Variants in PPP2R5C observed in about 807,000 individuals in gnomAD.
PPP2R5C encodes the protein protein phosphatase 2 regulatory subunit B'gamma, also known as serine/threonine-protein phosphatase 2A 56 kDa regulatory subunit gamma isoform.
PPP2R5C carries 7 observed loss-of-function variants against 68.9 expected under a neutral mutation model. The ratio of observed to expected loss-of-function variants is 0.10; its 90% CI spans 0.06 to 0.19. The LOEUF (loss-of-function observed/expected upper bound fraction) is 0.19, where lower values mean the gene tolerates loss of function less well. PPP2R5C is among the 10% of genes least tolerant of loss of function. The probability of loss-of-function intolerance (pLI) is 1.00; values close to 1 mark genes in which losing one functional copy is unlikely to be tolerated. For missense variants in PPP2R5C, 348 were observed against 641.3 expected (o/e 0.54, Z 4.94); for synonymous variants, 210 against 222.2 (o/e 0.95, Z 0.49).
At chr14:101,881,071 AG>A (rs2044143877) in intron 2 of PPP2R5C, among the ~76,000 whole-genome samples, 1 of 152,144 alleles carries the variant, frequency 6.6e-6, no homozygotes, top group African/African-American at 2.4e-5. Context: ...AGATTCAATA[AG>A]GTAACCAATC....
chr14:101,813,798 G>C (rs2039505631), intron 1 of PPP2R5C, among the ~76,000 whole-genome samples: 1 of 152,224 alleles, frequency 6.6e-6, no homozygotes, highest in African/African-American at 2.4e-5. Flanking sequence ...CTCCAGCCTG[G>C]TGGGATGTTG....
intron 3 of PPP2R5C, among the ~76,000 whole-genome samples, chr14:101,787,586 A>AT (rs1566838389): frequency 6.6e-6 from 1 of 151,650 alleles, no homozygotes; most frequent in Non-Finnish European, 1.5e-5. Context: ...ACATGGTGAA[A>AT]CCCCGTCTCT....
rs892649593 is a variant in PPP2R5C at position 101,835,851 on chromosome 14, G to A, written c.95-20835G>A. 3.9e-5 allele frequency among the ~76,000 whole-genome samples: 6 copies of A among 152,180 alleles called. No homozygotes were observed. Among genetic ancestry groups the A allele is most frequent in the East Asian group, 1.9e-4 (1 of 5,198 alleles). Reference sequence around the variant, plus strand: ...ATCAGCACGGTCCCATCTGAGCGTCGCCTTAACCTCTCTGTAGACCTCTGT... The same window carrying A: ...ATCAGCACGGTCCCATCTGAGCGTCACCTTAACCTCTCTGTAGACCTCTGT... On this transcript the variant is annotated intron_variant, in intron 1 of 13. Transcript: ENST00000334743. This position sits in a 1 kb window ranked among gnomAD's most constrained non-coding sequence, Gnocchi z 5.0.
At chr14:101,809,880 A>T (rs1471051419), upstream of PPP2R5C, 50 of 1,555,418 alleles carry the variant, frequency 3.2e-5, no homozygotes, top group African/African-American at 5.2e-4. Flanking sequence ...TTTTTTTTTT[A>T]AACTAAAATG....
At chr14:101,773,294 T>C (rs2037249748) in intron 2 of PPP2R5C, among the ~76,000 whole-genome samples, 1 of 152,090 alleles carries the variant, frequency 6.6e-6, no homozygotes, top group Non-Finnish European at 1.5e-5. Context: ...AATACCATGA[T>C]GACAACCAAA....
upstream of PPP2R5C, chr14:101,761,730 T>C (rs2036547701): frequency 2.1e-6 from 2 of 950,362 alleles, no homozygotes; most frequent in South Asian, 4.8e-5. Flanking sequence ...TGCCGCAGCC[T>C]CTGGGAGTCT....
At chr14:101,860,444 T>C (rs2042677528) in intron 2 of PPP2R5C, among the ~76,000 whole-genome samples, 1 of 152,240 alleles carries the variant, frequency 6.6e-6, no homozygotes, top group South Asian at 2.1e-4. Context: ...TATCTGTTGA[T>C]GGACACTATA....
At chr14:101,861,255 A>G (rs948017454) in intron 2 of PPP2R5C, among the ~76,000 whole-genome samples, 1 of 152,202 alleles carries the variant, frequency 6.6e-6, no homozygotes, top group South Asian at 2.1e-4. Context: ...AGAGGGTTCA[A>G]GCCTCTTAGA....
chr14:101,864,966 A>G (rs2042968003), intron 2 of PPP2R5C, among the ~76,000 whole-genome samples: 1 of 152,224 alleles, frequency 6.6e-6, no homozygotes, highest in Admixed American at 6.5e-5. Flanking sequence ...GGAATGAGCC[A>G]AGCGGCTTTG....
At chr14:101,905,326 C>T (rs1171522769) in intron 9 of PPP2R5C, among the ~76,000 whole-genome samples, 1 of 151,350 alleles carries the variant, frequency 6.6e-6, no homozygotes, top group Non-Finnish European at 1.5e-5. Flanking sequence ...TGCACTCCAG[C>T]CTGGGCAACA....
rs1280398699 is a variant in PPP2R5C, at chr14:101,876,112, A to C, written c.295-6049A>C. On this transcript the variant is annotated intron_variant, in intron 2 of 13. Coordinates refer to ENST00000334743, the Ensembl canonical transcript of PPP2R5C. ...GTTGCTTCTGTTTTCCAGCTATATC[A>C]TTTGCAAACAAATGACAATTTTGTA... Among the ~76,000 whole-genome samples, 3 of 152,188 alleles carry C rather than the reference A, an allele frequency of 2.0e-5. No homozygotes were observed. In the East Asian group the frequency reaches 5.8e-4, roughly 29 times the overall value.
chr14:101,802,979 C>T (rs1245730026), intron 3 of PPP2R5C, among the ~76,000 whole-genome samples: 1 of 135,174 alleles, frequency 7.4e-6, no homozygotes, highest in African/African-American at 2.8e-5. Flanking sequence ...AAAAAAGGAG[C>T]AAAGGCAGGC....
At chr14:101,874,956 TC>T (rs2043664335) in intron 2 of PPP2R5C, among the ~76,000 whole-genome samples, 1 of 152,222 alleles carries the variant, frequency 6.6e-6, no homozygotes, top group Non-Finnish European at 1.5e-5. Flanking sequence ...GCCAGGCTGG[TC>T]TTGAGCTCCT....
At chr14:101,829,367 C>T (rs2040596132) in intron 1 of PPP2R5C, among the ~76,000 whole-genome samples, 2 of 151,638 alleles carry the variant, frequency 1.3e-5, no homozygotes, top group African/African-American at 4.8e-5. Flanking sequence ...CTTCAATCTC[C>T]AGCTACCATT....
intron 1 of PPP2R5C, among the ~76,000 whole-genome samples, chr14:101,855,250 G>A (rs2042354450): frequency 6.6e-6 from 1 of 152,110 alleles, no homozygotes; most frequent in Non-Finnish European, 1.5e-5. Context: ...GTATATTTTT[G>A]CAAATCTCTG....
At chr14:101,883,371 A>C (rs764481440) in intron 4 of PPP2R5C, 22 bp downstream of exon 6, 2 of 1,607,860 alleles carry the variant, frequency 1.2e-6, no homozygotes, top group Non-Finnish European at 8.5e-7. Flanking sequence ...ATTAGCTGAC[A>C]CTCTGAAAGC....
chr14:101,853,270 A>T (rs954543250), intron 1 of PPP2R5C, among the ~76,000 whole-genome samples: 2 of 152,178 alleles, frequency 1.3e-5, no homozygotes, highest in Admixed American at 6.5e-5. Context: ...TTAAAAAAAA[A>T]ATAGTCAAAT....
At chr14:101,827,929 T>G (rs1364757333) in intron 1 of PPP2R5C, among the ~76,000 whole-genome samples, 1 of 152,210 alleles carries the variant, frequency 6.6e-6, no homozygotes, top group Non-Finnish European at 1.5e-5. Context: ...ACTGTCTTTT[T>G]GGGTATTAAA....
rs1304907079 is a variant in PPP2R5C, at chr14:101,825,747, A to G, written c.94+15711A>G. On this transcript the variant is annotated intron_variant, in intron 1 of 13. Transcript: ENST00000334743. This position sits in a 1 kb window ranked among gnomAD's most constrained non-coding sequence, Gnocchi z 4.0. The stretch of plus-strand genomic sequence containing the variant: ...GGTGAATGGTAAAGCTGTCAAAACC[A>G]GATCTGCTGAAAACCAAAATGTTCA... Among the ~76,000 whole-genome samples, 2 of 152,262 alleles carry G rather than the reference A, an allele frequency of 1.3e-5. No individual in the cohort carries two copies. Among genetic ancestry groups the G allele is most frequent in the Non-Finnish European group, 2.9e-5 (2 of 68,036 alleles).
Sources: allele counts gnomAD v4.1 joint callset (sites outside exome capture counted in the v4.1 genomes callset), GRCh38; gene constraint gnomAD v4.1.1; non-coding constraint Gnocchi (gnomAD v3.1); transcripts MANE v1.5; gene names NCBI Gene and HGNC (gene_info 2026-07-23, HGNC 2026-07-21).